DDX42: variants seen among roughly 807,000 people sequenced by gnomAD.
DDX42 encodes ATP-dependent RNA helicase DDX42.
In DDX42, 22 loss-of-function variants were observed where a neutral mutation model predicts 101.5. The ratio of observed to expected loss-of-function variants is 0.22; its 90% CI spans 0.15 to 0.31. The LOEUF (loss-of-function observed/expected upper bound fraction) is 0.31, where lower values mean the gene tolerates loss of function less well. Ranked by LOEUF, DDX42 falls within the 10% of genes least tolerant of loss-of-function variation. The pLI is 1.00. For synonymous variants in DDX42, 402 were observed against 401.2 expected, an observed-to-expected ratio of 1.00 and a Z score of -0.02; for missense variants, 849 against 1,199.9, an observed-to-expected ratio of 0.71 and a Z score of 4.32.
At chr17:63,817,236 A>G (rs1265067605) in intron 17 of DDX42, 3 of 415,564 alleles carry the variant, frequency 7.2e-6, no homozygotes, top group Non-Finnish European at 1.3e-5. Flanking sequence ...CTCCCTTCCC[A>G]ACAGCCTGAA....
intron 1 of DDX42, among the ~76,000 whole-genome samples, chr17:63,784,611 A>G (rs1449661843): frequency 6.6e-6 from 1 of 152,100 alleles, no homozygotes; most frequent in South Asian, 2.1e-4. Context: ...TGAGACCACA[A>G]AAAATTAAAA....
intron 9 of DDX42, 119 bp from the exon 10 acceptor site, chr17:63,808,701 G>T: frequency 8.4e-7 from 1 of 1,195,896 alleles, no homozygotes; most frequent in Non-Finnish European, 1.2e-6. Context: ...TGGTTTTAAA[G>T]TATGTTCTAG....
At chr17:63,778,913 T>C (rs1469292950) in intron 1 of DDX42, among the ~76,000 whole-genome samples, 1 of 152,092 alleles carries the variant, frequency 6.6e-6, no homozygotes, top group African/African-American at 2.4e-5. Flanking sequence ...ATCAGAAATT[T>C]TTTTTTAGGA....
intron 1 of DDX42, among the ~76,000 whole-genome samples, chr17:63,778,152 A>C (rs1401285642): frequency 6.6e-6 from 1 of 152,218 alleles, no homozygotes; most frequent in East Asian, 1.9e-4. Flanking sequence ...ATTAACACAC[A>C]CTATGCTACT....
chr17:63,796,582 C>T (rs1223228973), intron 3 of DDX42, among the ~76,000 whole-genome samples: 5 of 152,208 alleles, frequency 3.3e-5, no homozygotes, highest in Non-Finnish European at 7.3e-5. Flanking sequence ...TCCCAAGGTG[C>T]TGGGATTACG....
intron 2 of DDX42, among the ~76,000 whole-genome samples, chr17:63,788,220 C>T (rs1005972316): frequency 1.1e-4 from 17 of 149,404 alleles, no homozygotes; most frequent in Non-Finnish European, 2.2e-4. Flanking sequence ...GTCTTTACTG[C>T]AGTCTTTTAC....
chr17:63,790,606 C>CA (rs1379238111), intron 2 of DDX42, among the ~76,000 whole-genome samples: 1 of 152,126 alleles, frequency 6.6e-6, no homozygotes, highest in Non-Finnish European at 1.5e-5. Context: ...ACTAAAAATA[C>CA]AAAAATTAGC....
rs1372513875 is a variant in DDX42, at chr17:63,791,717, G to T, written c.222-695G>T. 2.6e-5 allele frequency among the ~76,000 whole-genome samples: 4 copies of T among 152,074 alleles called. No homozygotes were observed. The South Asian group carries it at 8.3e-4, about 32-fold the overall frequency. ...AGAATATCTCAAGTTTTTATTAAGG[G>T]TTATAAAGAATAAACTGGATTTCTA... On this transcript the variant is annotated intron_variant, in intron 2 of 17. Transcript: ENST00000389924.
chr17:63,787,414 A>G, intron 2 of DDX42, 144 bp downstream of exon 2: 2 of 915,714 alleles, frequency 2.2e-6, no homozygotes, highest in Non-Finnish European at 3.2e-6. Flanking sequence ...ATTGTTCCTA[A>G]TAAGTTAAAT....
At chr17:63,794,159 G>T (rs926165470) in intron 3 of DDX42, among the ~76,000 whole-genome samples, 1 of 151,936 alleles carries the variant, frequency 6.6e-6, no homozygotes, top group Non-Finnish European at 1.5e-5. Context: ...CCTGCTTTAG[G>T]CTCTCTGCTG....
At chr17:63,790,925 T>C (rs2039620192) in intron 2 of DDX42, among the ~76,000 whole-genome samples, 1 of 152,224 alleles carries the variant, frequency 6.6e-6, no homozygotes, top group Admixed American at 6.5e-5. Context: ...AGGGCGAGGC[T>C]GTCTCAAAAA....
chr17:63,800,410 G>A, intron 5 of DDX42, 58 bp from the exon 6 acceptor site: 1 of 1,560,734 alleles, frequency 6.4e-7, no homozygotes, highest in Non-Finnish European at 8.7e-7. Flanking sequence ...CTAATTACAG[G>A]AGCAGAAACA....
At chr17:63,785,516 C>T (rs2039536965) in intron 1 of DDX42, among the ~76,000 whole-genome samples, 1 of 109,214 alleles carries the variant, frequency 9.2e-6, no homozygotes, top group Non-Finnish European at 1.8e-5. Context: ...AATCCCAGCA[C>T]TTAGGGAGGC....
At chr17:63,804,072 T>G (rs1470298927) in intron 6 of DDX42, among the ~76,000 whole-genome samples, 2 of 152,190 alleles carry the variant, frequency 1.3e-5, no homozygotes, top group Non-Finnish European at 2.9e-5. Context: ...GTGTCACTCT[T>G]CTTCCAATTT....
rs372074381 is a variant in DDX42 at position 63,817,859 on chromosome 17, G to T, written c.2278G>T (p.Ala760Ser). 6.2e-7 allele frequency: 1 copy of T among 1,614,052 alleles called. No homozygotes were observed. The part of the protein sequence containing the change: ...NSPDSPVTSA[A>S]KGIPGFGNTG... ...TCCTGACAGCCCCGTCACCAGTGCCGCCAAGGGCATCCCAGGCTTTGGCAA... is the reference window on the plus strand; with the variant it reads ...TCCTGACAGCCCCGTCACCAGTGCCTCCAAGGGCATCCCAGGCTTTGGCAA... The change falls in exon 18 of 18, where the codon GCC becomes TCC. Residue 760 changes from alanine (A) to serine (S), a missense_variant. Physicochemically the swap from Ala to Ser is moderately conservative, Grantham distance 99 (BLOSUM62 1). Around this residue, in one of 5 missense-constraint regions of DDX42, gnomAD observed 300 missense variants for 304.9 expected, o/e 0.98. Coordinates refer to ENST00000389924, the MANE Select transcript of DDX42 (RefSeq NM_203499.3).
intron 6 of DDX42, among the ~76,000 whole-genome samples, chr17:63,802,505 C>A (rs182951147): frequency 6.6e-6 from 1 of 152,214 alleles, no homozygotes; most frequent in African/African-American, 2.4e-5. Context: ...CAATGGCTCA[C>A]GCCTGTAATT....
chr17:63,791,282 A>G (rs1162778517), intron 2 of DDX42, among the ~76,000 whole-genome samples: 1 of 152,116 alleles, frequency 6.6e-6, no homozygotes, highest in Non-Finnish European at 1.5e-5. Context: ...GTAGTATCTT[A>G]AATTATTTTG....
At chr17:63,816,774 T>G in intron 16 of DDX42, 94 bp from the exon 17 acceptor site, 1 of 820,938 alleles carries the variant, frequency 1.2e-6, no homozygotes. Context: ...CCTTTGTAGC[T>G]CCCACTTCAA....
rs747288192 is a variant in DDX42, at chr17:63,812,149, A to G, written c.1616A>G (p.Lys539Arg). Residue 539 changes from lysine to arginine, a missense_variant, in exon 14 of 18, where the codon AAG becomes AGG. Around this residue, in one of 5 missense-constraint regions of DDX42, gnomAD observed 370 missense variants for 608.8 expected, o/e 0.61. Coordinates refer to ENST00000389924, the MANE Select transcript of DDX42 (RefSeq NM_203499.3). ...GATATGGATCAGAGTGAGAGAAACA[A>G]GGTCATTTCAGACTTTAAGAAAAAG... Reference protein sequence around the residue: ...HGDMDQSERNKVISDFKKKDI... With the variant: ...HGDMDQSERNRVISDFKKKDI... 3 of 1,614,248 alleles carry G rather than the reference A, an allele frequency of 1.9e-6. No individual in the cohort carries two copies. The highest frequency in any genetic ancestry group is 3.3e-5 in the Admixed American group (2 of 60,024).
Sources: allele counts gnomAD v4.1 joint callset (sites outside exome capture counted in the v4.1 genomes callset), GRCh38; gene constraint gnomAD v4.1.1; regional missense constraint gnomAD v4.1.1; transcripts MANE v1.5; gene names NCBI Gene and HGNC (gene_info 2026-07-23, HGNC 2026-07-21).